NKAIN2: variants seen among roughly 807,000 people sequenced by gnomAD.
The protein encoded by NKAIN2 is sodium/potassium transporting ATPase interacting 2.
In NKAIN2, 14 loss-of-function variants were observed where a neutral mutation model predicts 32.6. The ratio of observed to expected loss-of-function variants is 0.43; its 90% CI spans 0.28 to 0.67. The LOEUF (loss-of-function observed/expected upper bound fraction) is 0.67. NKAIN2 is among the 30% of genes least tolerant of loss of function. The pLI, the probability that NKAIN2 is intolerant of heterozygous loss-of-function variation, is 0.17. For synonymous variants in NKAIN2, 80 were observed against 87.2 expected, an observed-to-expected ratio of 0.92 and a Z score of 0.46; for missense variants, 198 against 258.3, an observed-to-expected ratio of 0.77 and a Z score of 1.60.
At chr6:124,516,647 TTGTG>T (rs901695936) in intron 3 of NKAIN2, among the ~76,000 whole-genome samples, 9 of 152,162 alleles carry the variant, frequency 5.9e-5, no homozygotes, top group African/African-American at 2.2e-4. Context: ...CATTCCAAGG[TTGTG>T]TGTGGATATG....
intron 1 of NKAIN2, among the ~76,000 whole-genome samples, chr6:124,142,325 G>T (rs1210029443): frequency 2.0e-5 from 3 of 152,052 alleles, no homozygotes; most frequent in African/African-American, 7.2e-5. Flanking sequence ...TGTTTTTGAT[G>T]TGATTACCAT....
chr6:124,625,715 T>G (rs1445255562), intron 3 of NKAIN2, among the ~76,000 whole-genome samples: 2 of 151,800 alleles, frequency 1.3e-5, no homozygotes, highest in African/African-American at 4.8e-5. Flanking sequence ...TTTATTTATT[T>G]ATTTATTTAT....
At chr6:124,253,038 C>G (rs1357916657) in intron 1 of NKAIN2, among the ~76,000 whole-genome samples, 2 of 152,018 alleles carry the variant, frequency 1.3e-5, no homozygotes, top group Non-Finnish European at 2.9e-5. Context: ...GGAAAAATAC[C>G]AAGTGGTACC....
At chr6:124,693,433 C>T (rs929483741) in intron 4 of NKAIN2, among the ~76,000 whole-genome samples, 31 of 152,134 alleles carry the variant, frequency 2.0e-4, no homozygotes, top group African/African-American at 6.8e-4. Flanking sequence ...CCTATGGATC[C>T]GTTTCTCAGA....
chr6:124,600,748 GT>G (rs1222255919), intron 3 of NKAIN2, among the ~76,000 whole-genome samples: 1 of 151,992 alleles, frequency 6.6e-6, no homozygotes. Flanking sequence ...GTCAGTTATA[GT>G]TTTTTTGGAA....
At chr6:124,290,984 CT>C (rs1215691528) in intron 2 of NKAIN2, among the ~76,000 whole-genome samples, 1 of 152,136 alleles carries the variant, frequency 6.6e-6, no homozygotes, top group Non-Finnish European at 1.5e-5. Flanking sequence ...CTCCCTTCTT[CT>C]GATTTGATTC....
At position 124,157,236 on chromosome 6, in the gene NKAIN2, G is replaced by T. The variant is rs139010139; in HGVS notation, c.55-125769G>T. ...TAATTATGTATGGGACACGGTGGGA[G>T]GTGTGTCATAATGGACACACACACA... On this transcript the variant is annotated intron_variant, in intron 1 of 6. Transcript: ENST00000368417. Among the ~76,000 whole-genome samples the T allele has an allele frequency of 9.4e-3, 1,392 of 147,986 alleles. 19 individuals are homozygous for T. Among genetic ancestry groups the T allele is most frequent in the South Asian group, 0.043 (195 of 4,584 alleles).
chr6:124,426,186 C>T (rs1162897741), intron 3 of NKAIN2, among the ~76,000 whole-genome samples: 1 of 152,130 alleles, frequency 6.6e-6, no homozygotes, highest in Non-Finnish European at 1.5e-5. Flanking sequence ...ATTTCTTCTA[C>T]GGAAAGGTGT....
intron 1 of NKAIN2, among the ~76,000 whole-genome samples, chr6:124,066,058 T>C (rs1280725303): frequency 6.6e-6 from 1 of 152,060 alleles, no homozygotes; most frequent in African/African-American, 2.4e-5. Flanking sequence ...TTTGTGCCAT[T>C]TGCACCTCTG....
intron 1 of NKAIN2, among the ~76,000 whole-genome samples, chr6:124,097,212 T>A (rs972623349): frequency 5.9e-5 from 9 of 151,938 alleles, no homozygotes; most frequent in African/African-American, 2.2e-4. Context: ...CCATCATGGC[T>A]AACACGGTAA....
intron 3 of NKAIN2, among the ~76,000 whole-genome samples, chr6:124,409,871 G>A (rs533639921): frequency 2.6e-5 from 4 of 152,114 alleles, no homozygotes; most frequent in Non-Finnish European, 4.4e-5. Context: ...CAATTTCAGA[G>A]CCTGTTACTG....
intron 1 of NKAIN2, among the ~76,000 whole-genome samples, chr6:124,221,007 T>C (rs748860118): frequency 2.1e-4 from 32 of 152,098 alleles, no homozygotes; most frequent in African/African-American, 6.8e-4. Flanking sequence ...TTGGTGTGAA[T>C]CCAACAAAGT....
intron 3 of NKAIN2, among the ~76,000 whole-genome samples, chr6:124,581,445 CAAAAAAAAA>C (rs57280967): frequency 4.9e-5 from 4 of 81,426 alleles, no homozygotes; most frequent in East Asian, 3.8e-4. Context: ...GACTCCGTCT[CAAAAAAAAA>C]AAAAAAAAAA....
chr6:124,189,427 GC>G (rs2114580635), intron 1 of NKAIN2, among the ~76,000 whole-genome samples: 1 of 152,238 alleles, frequency 6.6e-6, no homozygotes, highest in African/African-American at 2.4e-5. Context: ...CAAGCCAGGT[GC>G]GGTGACTCAC....
At chr6:124,271,412 T>A (rs1389500743) in intron 1 of NKAIN2, among the ~76,000 whole-genome samples, 3 of 152,166 alleles carry the variant, frequency 2.0e-5, no homozygotes, top group Non-Finnish European at 2.9e-5. Flanking sequence ...GAGATGGTGT[T>A]TCACCATGTT....
chr6:124,732,531 T>C (rs1776734005), intron 4 of NKAIN2, among the ~76,000 whole-genome samples: 1 of 152,090 alleles, frequency 6.6e-6, no homozygotes, highest in South Asian at 2.1e-4. Flanking sequence ...GCTAGGTTTA[T>C]ATCATTACTC....
intron 3 of NKAIN2, among the ~76,000 whole-genome samples, chr6:124,369,771 A>G (rs1209125072): frequency 6.6e-6 from 1 of 151,908 alleles, no homozygotes; most frequent in East Asian, 1.9e-4. Flanking sequence ...GGCTGTGTCA[A>G]AATCACCGCC....
chr6:124,786,863 A>G (rs6914279), intron 4 of NKAIN2, among the ~76,000 whole-genome samples: 26,855 of 152,058 alleles, frequency 0.18, 3,068 homozygotes, highest in African/African-American at 0.32. Flanking sequence ...TTTTCTTTCA[A>G]TTGAAGATAC....
intron 3 of NKAIN2, among the ~76,000 whole-genome samples, chr6:124,625,030 G>T (rs963267556): frequency 1.3e-5 from 2 of 152,032 alleles, no homozygotes; most frequent in Admixed American, 6.6e-5. Context: ...AAATATTTAA[G>T]CTGCATCATT....
Sources: gnomAD v4.1 joint callset for allele counts (sites outside exome capture counted in the v4.1 genomes callset) on GRCh38, gnomAD v4.1.1 for gene constraint, MANE v1.5 for transcripts, NCBI Gene and HGNC (gene_info 2026-07-23, HGNC 2026-07-21) for gene names.